The following LRFN2 variants were observed in gnomAD, a reference collection of about 807,000 sequenced individuals.
LRFN2 encodes leucine rich repeat and fibronectin type III domain containing 2, also known as leucine-rich repeat and fibronectin type-III domain-containing protein 2.
LRFN2 carries 18 observed loss-of-function variants against 37.3 expected under a neutral mutation model. The observed-to-expected ratio is 0.48, with a 90% CI of 0.33 to 0.72. The LOEUF is 0.72. Ranked by LOEUF, LRFN2 falls within the 30% of genes least tolerant of loss-of-function variation. The probability of loss-of-function intolerance (pLI) is 0.02; values close to 1 mark genes in which losing one functional copy is unlikely to be tolerated. For synonymous variants in LRFN2, 556 were observed against 466.6 expected (o/e 1.19, Z -2.47); for missense variants, 1,006 against 1,060.7 (o/e 0.95, Z 0.72).
intron 1 of LRFN2, among the ~76,000 whole-genome samples, chr6:40,438,829 A>G (rs1763757537): frequency 6.6e-6 from 1 of 152,200 alleles, no homozygotes; most frequent in Admixed American, 6.5e-5. Flanking sequence ...TCTCTCACAC[A>G]CATACACGTG....
intron 1 of LRFN2, among the ~76,000 whole-genome samples, chr6:40,488,327 C>T (rs913844455): frequency 5.9e-5 from 9 of 152,076 alleles, no homozygotes; most frequent in Admixed American, 2.0e-4. Context: ...ACTCTGCTGG[C>T]CACCTGCCTG....
intron 1 of LRFN2, among the ~76,000 whole-genome samples, chr6:40,461,791 C>T (rs574583107): frequency 3.3e-5 from 5 of 152,046 alleles, no homozygotes; most frequent in Non-Finnish European, 4.4e-5. Flanking sequence ...GACACAAAAC[C>T]TTTAGTAGCA....
chr6:40,393,785 G>A (rs936210427), intron 2 of LRFN2, among the ~76,000 whole-genome samples: 1 of 152,138 alleles, frequency 6.6e-6, no homozygotes, highest in African/African-American at 2.4e-5. Context: ...TGGACCAGGT[G>A]CTGTGCTGTG....
chr6:40,558,296 T>C (rs1766927829), intron 1 of LRFN2, among the ~76,000 whole-genome samples: 1 of 152,206 alleles, frequency 6.6e-6, no homozygotes, highest in African/African-American at 2.4e-5. Context: ...GAGGAGACAT[T>C]GCATGGACTC....
chr6:40,401,687 G>A (rs530353603), intron 2 of LRFN2, among the ~76,000 whole-genome samples: 24 of 152,248 alleles, frequency 1.6e-4, no homozygotes, highest in African/African-American at 5.3e-4. Flanking sequence ...GTGTGTTTGT[G>A]TAAGAGGAAG....
chr6:40,560,493 T>C (rs2000094), intron 1 of LRFN2, among the ~76,000 whole-genome samples: 72,143 of 151,970 alleles, frequency 0.47, 18,154 homozygotes, highest in African/African-American at 0.64. Flanking sequence ...GGAGGCTCTG[T>C]AGTAGTTGCT....
chr6:40,517,790 G>C (rs115975874), intron 1 of LRFN2, among the ~76,000 whole-genome samples: 4,034 of 152,236 alleles, frequency 0.026, 161 homozygotes, highest in African/African-American at 0.092. Flanking sequence ...TGTGTACGTG[G>C]CAGAGCTGGG....
Position 40,431,936 on chromosome 6 carries a change from T to G in LRFN2, c.1178A>C (p.Lys393Thr), listed in dbSNP as rs778469134. Reference sequence around the variant, plus strand: ...GCCAGTGATGTCTGAGAGGCGGGACTTGGGGGGTGCAGTGCGGCTGGTGCT... The same window carrying G: ...GCCAGTGATGTCTGAGAGGCGGGACGTGGGGGGTGCAGTGCGGCTGGTGCT... ...SNSTSRTAPP[K>T]SRLSDITGSS... is the part of the protein sequence containing the mutation. The change falls in exon 2 of 3, where the codon AAG (lysine) becomes ACG (threonine). Residue 393 changes from lysine (K) to threonine (T), a missense_variant. This residue lies in a region of LRFN2 where 303 missense variants were observed against 299.8 expected (regional missense o/e 1.01). Coordinates refer to ENST00000338305, the MANE Select transcript of LRFN2 (RefSeq NM_020737.3). 2 of 1,613,422 alleles carry G rather than the reference T, an allele frequency of 1.2e-6. No individual in the cohort carries two copies. Among genetic ancestry groups the G allele is most frequent in the Admixed American group, 3.3e-5 (2 of 60,004 alleles).
chr6:40,405,728 A>AC (rs1269628337), intron 2 of LRFN2, among the ~76,000 whole-genome samples: 1 of 151,892 alleles, frequency 6.6e-6, no homozygotes, highest in Non-Finnish European at 1.5e-5. Flanking sequence ...CCCCCCTCCA[A>AC]CCCCCCATGA....
chr6:40,404,124 G>C lies in LRFN2; in HGVS notation c.1401-11212C>G, dbSNP rs369283629. On this transcript the variant is annotated intron_variant, in intron 2 of 2. Transcript: ENST00000338305. ...TCCCAGATCACGTTATCAACACTGC[G>C]GGCTTCCCCAGGCTTGTTACTCCAC... is the stretch of plus-strand genomic sequence containing the variant. Among the ~76,000 whole-genome samples the C allele has an allele frequency of 1.3e-4, 20 of 152,220 alleles. No individual in the cohort carries two copies. In the East Asian group the frequency reaches 2.3e-3, roughly 18 times the overall value.
chr6:40,416,745 G>A (rs1344568777), intron 2 of LRFN2, among the ~76,000 whole-genome samples: 1 of 152,108 alleles, frequency 6.6e-6, no homozygotes, highest in African/African-American at 2.4e-5. Flanking sequence ...TCTCCTGCTA[G>A]GGCATCCACT....
intron 1 of LRFN2, among the ~76,000 whole-genome samples, chr6:40,535,996 A>G (rs1369006700): frequency 1.3e-5 from 2 of 152,072 alleles, no homozygotes; most frequent in Non-Finnish European, 2.9e-5. Context: ...TTAGAAAGAC[A>G]CTGTGCAGGC....
At chr6:40,479,945 C>T (rs908177224) in intron 1 of LRFN2, among the ~76,000 whole-genome samples, 13 of 152,244 alleles carry the variant, frequency 8.5e-5, no homozygotes, top group African/African-American at 3.1e-4. Context: ...AGGCCTACTT[C>T]TAGGAAAATG....
intron 1 of LRFN2, among the ~76,000 whole-genome samples, chr6:40,574,699 C>T (rs1767245590): frequency 6.6e-6 from 1 of 152,182 alleles, no homozygotes; most frequent in Non-Finnish European, 1.5e-5. Flanking sequence ...GAATAAAATC[C>T]AGGCAGCTCC....
In LRFN2 at chr6:40,392,385, G is replaced by A. The variant is rs895575954; in HGVS notation, c.1928C>T (p.Pro643Leu). ...AGLGRAPWRI[P>L]PSAPRPKPSL... ...GGGCTTGGGGCGCGGGGCGGAGGGT[G>A]GGATCCTCCAGGGGGCCCGTCCCAG... The change falls in exon 3 of 3, where the codon CCA (proline) becomes CTA (leucine). Residue 643 changes from proline to leucine, a missense_variant. Around this residue, in one of 4 missense-constraint regions of LRFN2, gnomAD observed 398 missense variants for 327.6 expected, o/e 1.21. Transcript: ENST00000338305. This position sits in a 1 kb window ranked among gnomAD's most constrained non-coding sequence, Gnocchi z 4.7. The A allele has an allele frequency of 6.3e-7, 1 of 1,587,950 alleles. No individual in the cohort carries two copies. Among genetic ancestry groups the A allele is most frequent in the Non-Finnish European group, 8.6e-7 (1 of 1,167,596 alleles).
intron 1 of LRFN2, among the ~76,000 whole-genome samples, chr6:40,475,722 C>A (rs985448295): frequency 3.3e-5 from 5 of 152,172 alleles, no homozygotes. Context: ...GGCCATTCCA[C>A]CTTGTACAAT....
At chr6:40,455,980 G>A (rs1201320093) in intron 1 of LRFN2, among the ~76,000 whole-genome samples, 1 of 152,134 alleles carries the variant, frequency 6.6e-6, no homozygotes, top group Non-Finnish European at 1.5e-5. Context: ...GGCTTTGATG[G>A]TGCAAACTAG....
chr6:40,490,645 A>G (rs1477146582), intron 1 of LRFN2, among the ~76,000 whole-genome samples: 1 of 152,224 alleles, frequency 6.6e-6, no homozygotes, highest in Non-Finnish European at 1.5e-5. Flanking sequence ...AGGCCACAGC[A>G]TATGGCCCAC....
chr6:40,550,095 A>T (rs931257650), intron 1 of LRFN2, among the ~76,000 whole-genome samples: 1 of 152,176 alleles, frequency 6.6e-6, no homozygotes, highest in Non-Finnish European at 1.5e-5. Context: ...CAGTGAGGAC[A>T]ATTACTTCTG....
Sources: gnomAD v4.1 joint callset for allele counts (sites outside exome capture counted in the v4.1 genomes callset) on GRCh38, gnomAD v4.1.1 for gene constraint, gnomAD v4.1.1 regional missense constraint, Gnocchi (gnomAD v3.1) non-coding constraint, MANE v1.5 for transcripts, NCBI Gene and HGNC (gene_info 2026-07-23, HGNC 2026-07-21) for gene names.